The following NR2C2 variants were observed in gnomAD, a reference collection of about 807,000 sequenced individuals.
NR2C2 encodes the protein Nuclear hormone receptor TR4.
In NR2C2, 6 loss-of-function variants were observed where a neutral mutation model predicts 62.9. The observed-to-expected ratio is 0.10, with a 90% CI of 0.05 to 0.19. The LOEUF (loss-of-function observed/expected upper bound fraction) is 0.19, where lower values mean the gene tolerates loss of function less well. Among genes scored for constraint, NR2C2 ranks in the 10% least tolerant of loss-of-function variants. The pLI is 1.00. For synonymous variants in NR2C2, 272 were observed against 273.8 expected (o/e 0.99, Z 0.07); for missense variants, 479 against 762.7 (o/e 0.63, Z 4.38).
chr3:14,971,789 A>G (rs1240647186), intron 1 of NR2C2, among the ~76,000 whole-genome samples: 1 of 148,596 alleles, frequency 6.7e-6, no homozygotes, highest in Non-Finnish European at 1.5e-5. Context: ...TAAAAAATTA[A>G]TTTACCTAAA....
chr3:14,989,498 C>T (rs1270693329), intron 1 of NR2C2, among the ~76,000 whole-genome samples: 1 of 152,064 alleles, frequency 6.6e-6, no homozygotes, highest in African/African-American at 2.4e-5. Flanking sequence ...GACCTCCTAT[C>T]TTTAAGAATA....
intron 1 of NR2C2, among the ~76,000 whole-genome samples, chr3:14,952,217 G>A (rs533192456): frequency 6.6e-5 from 10 of 152,342 alleles, no homozygotes; most frequent in Admixed American, 2.0e-4. Context: ...CCAGCATTGA[G>A]ATTGGGGCCA....
chr3:15,040,009 GC>G (rs1446114313), intron 13 of NR2C2, among the ~76,000 whole-genome samples: 1 of 151,446 alleles, frequency 6.6e-6, no homozygotes, highest in East Asian at 1.9e-4. Context: ...AAAAAAATTA[GC>G]CAGGCACGGT....
chr3:15,010,822 A>G (rs933921194), intron 2 of NR2C2, among the ~76,000 whole-genome samples: 1 of 152,160 alleles, frequency 6.6e-6, no homozygotes, highest in Non-Finnish European at 1.5e-5. Flanking sequence ...CCCTGACCTC[A>G]TACTTGCCAT....
intron 13 of NR2C2, among the ~76,000 whole-genome samples, chr3:15,041,524 T>TAGAAAGG (rs2042265045): frequency 6.6e-6 from 1 of 152,080 alleles, no homozygotes; most frequent in South Asian, 2.1e-4. Flanking sequence ...TAGAATGTTC[T>TAGAAAGG]AGAAAGGAAA....
chr3:15,028,543 G>T lies in NR2C2; in HGVS notation c.799-43G>T, dbSNP rs750862587. ...CTTCATTGGCCTGAGAGTCATTTGC[G>T]TATCTGTGTTCATTTTTAATGTCAG... On this transcript the variant is annotated intron_variant, in intron 7 of 13. Coordinates refer to ENST00000425241, the MANE Select transcript of NR2C2 (RefSeq NM_001291694.2). The T allele has an allele frequency of 3.8e-6, 6 of 1,588,950 alleles. No homozygotes were observed. The South Asian group carries it at 6.7e-5, about 18-fold the overall frequency.
chr3:15,029,955 AAAAG>A (rs558417990), intron 8 of NR2C2, among the ~76,000 whole-genome samples: 35 of 152,240 alleles, frequency 2.3e-4, no homozygotes, highest in African/African-American at 7.7e-4. Context: ...GAAAGAAAAG[AAAAG>A]AAAGAAATTG....
At chr3:15,038,833 C>A in intron 12 of NR2C2, 1 of 297,114 alleles carries the variant, frequency 3.4e-6, no homozygotes, top group African/African-American at 2.2e-5. Context: ...GTTTTTAAAA[C>A]TATGTGTTTT....
intron 2 of NR2C2, 35 bp downstream of exon 2, chr3:15,004,021 C>G (rs758867041): frequency 6.4e-7 from 1 of 1,563,264 alleles, no homozygotes; most frequent in South Asian, 1.2e-5. Context: ...CCCTGCCTTT[C>G]CAGAAGAACT....
rs762710991 is a variant in NR2C2 at position 14,969,881 on chromosome 3, A to T, written c.-40+21975A>T. ...TCCATGTAAGGGAATGTTTAAAAAC[A>T]TAGAGCTCTCCCAGTTGTTGAACAA... On this transcript the variant is annotated intron_variant, in intron 1 of 13. Coordinates refer to ENST00000425241, the MANE Select transcript of NR2C2 (RefSeq NM_001291694.2). Among the ~76,000 whole-genome samples, 121 of 152,228 alleles carry T rather than the reference A, an allele frequency of 7.9e-4. 1 individual carries two copies. The highest frequency in any genetic ancestry group is 2.9e-4 in the Non-Finnish European group (20 of 68,044).
At chr3:15,032,319 A>G (rs2042000769) in intron 9 of NR2C2, 60 bp from the exon 10 acceptor site, 6 of 1,611,410 alleles carry the variant, frequency 3.7e-6, no homozygotes, top group Non-Finnish European at 5.1e-6. Context: ...ACATGTTGAC[A>G]GACAAAGCCA....
rs2042424318 is a variant in NR2C2, at chr3:15,045,669, G to C, written c.*2661G>C. ...TCTCCTGTCAGGTTGGTTAAGTAAA[G>C]TCAGCCCAAAGTCAAGAATTACTTA... On this transcript the variant is annotated 3_prime_UTR_variant, in exon 14 of 14. Transcript: ENST00000425241. 1 of 152,654 alleles carries C rather than the reference G, an allele frequency of 6.6e-6. No homozygotes were observed. Among genetic ancestry groups the C allele is most frequent in the South Asian group, 2.1e-4 (1 of 4,834 alleles). The allele number at this position is 152,654 out of a possible 1,614,324, so 9.5% of individuals were successfully genotyped here.
At chr3:15,036,292 C>CA (rs1043145922) in intron 11 of NR2C2, among the ~76,000 whole-genome samples, 2 of 152,022 alleles carry the variant, frequency 1.3e-5, no homozygotes, top group Non-Finnish European at 2.9e-5. Flanking sequence ...AGTGAACAAA[C>CA]AACTTTTCTA....
intron 1 of NR2C2, among the ~76,000 whole-genome samples, chr3:14,949,850 CT>C (rs1456897555): frequency 6.6e-6 from 1 of 152,184 alleles, no homozygotes; most frequent in South Asian, 2.1e-4. Context: ...TGAGTTCTCT[CT>C]TTCTCTCTCT....
intron 1 of NR2C2, among the ~76,000 whole-genome samples, chr3:14,996,407 GA>G (rs2040833672): frequency 6.6e-6 from 1 of 152,196 alleles, no homozygotes; most frequent in South Asian, 2.1e-4. Flanking sequence ...CTTAGGTTTA[GA>G]AAAATTTTCA....
intron 1 of NR2C2, among the ~76,000 whole-genome samples, chr3:14,961,175 C>T (rs986023398): frequency 4.6e-5 from 7 of 152,146 alleles, no homozygotes; most frequent in Non-Finnish European, 7.4e-5. Context: ...GTCACAGTTT[C>T]ATCCTCCTGT....
intron 8 of NR2C2, among the ~76,000 whole-genome samples, chr3:15,029,033 C>T (rs572866102): frequency 8.5e-4 from 129 of 151,838 alleles, no homozygotes; most frequent in Middle Eastern, 3.4e-3. Context: ...TTTAATAATG[C>T]GTCTGCATAT....
chr3:15,006,815 G>C (rs904342874), intron 2 of NR2C2, among the ~76,000 whole-genome samples: 3 of 145,206 alleles, frequency 2.1e-5, no homozygotes, highest in Non-Finnish European at 3.0e-5. Flanking sequence ...CGCTCTTGTC[G>C]CCCAGGCTGG....
At position 15,016,661 on chromosome 3, in the gene NR2C2, G is replaced by A. The variant is rs571444426; in HGVS notation, c.376+407G>A. 5.3e-5 allele frequency among the ~76,000 whole-genome samples: 8 copies of A among 152,296 alleles called. No homozygotes were observed. The South Asian group carries it at 1.2e-3, about 24-fold the overall frequency. On this transcript the variant is annotated intron_variant, in intron 4 of 13. Transcript: ENST00000425241. ...CTATAACCCACTGTAAATAACTGCT[G>A]TAATGAAGCAGGAGGAGGCATGTGA... is the stretch of plus-strand genomic sequence containing the variant.
Sources: gnomAD v4.1 joint callset for allele counts (sites outside exome capture counted in the v4.1 genomes callset) on GRCh38, gnomAD v4.1.1 for gene constraint, MANE v1.5 for transcripts, NCBI Gene and HGNC (gene_info 2026-07-23, HGNC 2026-07-21) for gene names.